LIPA: variants seen among roughly 807,000 people sequenced by gnomAD.
LIPA encodes the protein lipase A, lysosomal acid type.
LIPA carries 26 observed loss-of-function variants against 40.6 expected under a neutral mutation model. The observed-to-expected ratio is 0.64, with a 90% confidence interval of 0.47 to 0.89. The LOEUF (loss-of-function observed/expected upper bound fraction) is 0.89, where lower values mean the gene tolerates loss of function less well. Among genes scored for constraint, LIPA ranks in the 40% least tolerant of loss-of-function variants. The pLI, the probability that LIPA is intolerant of heterozygous loss-of-function variation, is 0.00. For missense variants in LIPA, 455 were observed against 479.6 expected (o/e 0.95, Z 0.48); for synonymous variants, 188 against 168.4 (o/e 1.12, Z -0.90).
intron 3 of LIPA, among the ~76,000 whole-genome samples, chr10:89,234,959 G>T (rs1350713574): frequency 6.6e-6 from 1 of 152,246 alleles, no homozygotes; most frequent in Non-Finnish European, 1.5e-5. Context: ...GCTAGGAAGC[G>T]TGAGGGTTGG....
intron 2 of LIPA, among the ~76,000 whole-genome samples, chr10:89,396,650 T>C (rs955660659): frequency 2.6e-5 from 4 of 152,200 alleles, no homozygotes; most frequent in African/African-American, 9.6e-5. Flanking sequence ...ACCTCCAAAA[T>C]TGTGACACTA....
At chr10:89,322,429 G>A (rs139346975) in intron 1 of LIPA, among the ~76,000 whole-genome samples, 42 of 151,592 alleles carry the variant, frequency 2.8e-4, no homozygotes, top group Non-Finnish European at 4.6e-4. Context: ...CAGCCTGTCC[G>A]GGCTCAGCGT....
chr10:89,286,448 G>A (rs1191880854), intron 1 of LIPA, among the ~76,000 whole-genome samples: 7 of 151,908 alleles, frequency 4.6e-5, no homozygotes, highest in South Asian at 2.1e-4. Flanking sequence ...TTCCAGTTTC[G>A]TTCTGCGACT....
chr10:89,356,418 G>A (rs1460677043), intron 2 of LIPA, among the ~76,000 whole-genome samples: 2 of 152,182 alleles, frequency 1.3e-5, no homozygotes, highest in African/African-American at 4.8e-5. Flanking sequence ...TGAGCAGCAG[G>A]CGAGCAATCA....
In LIPA at chr10:89,379,185, T is replaced by A. The variant is rs528152009; in HGVS notation, c.61+33606A>T. 2.0e-5 allele frequency among the ~76,000 whole-genome samples: 3 copies of A among 152,342 alleles called. No individual in the cohort carries two copies. In the South Asian group the frequency reaches 6.2e-4, roughly 32 times the overall value. ...TGTGATTACTGTGAAACTATGAAAT[T>A]GTGATTACTATGAAATTTGCTTTTC... is the stretch of plus-strand genomic sequence containing the variant. On this transcript the variant is annotated intron_variant, in intron 2 of 8. Coordinates refer to the LIPA transcript ENST00000371837.
At chr10:89,402,505 A>G (rs1434383366) in intron 2 of LIPA, 3 of 1,614,082 alleles carry the variant, frequency 1.9e-6, no homozygotes, top group Non-Finnish European at 2.5e-6. Flanking sequence ...AGCTTAAAAG[A>G]AGCTGAAAAC....
At chr10:89,399,046 T>TG (rs984007255) in intron 2 of LIPA, among the ~76,000 whole-genome samples, 7 of 152,214 alleles carry the variant, frequency 4.6e-5, no homozygotes, top group African/African-American at 1.7e-4. Flanking sequence ...TCCTGCTTTT[T>TG]TTTTAAAATA....
At chr10:89,255,273 C>T (rs1843175076), upstream of LIPA, among the ~76,000 whole-genome samples, 1 of 152,160 alleles carries the variant, frequency 6.6e-6, no homozygotes, top group South Asian at 2.1e-4. Flanking sequence ...ACAATCATGG[C>T]AGAAGGCAAA....
chr10:89,337,996 G>A (rs542751178), intron 1 of LIPA, among the ~76,000 whole-genome samples: 1 of 152,252 alleles, frequency 6.6e-6, no homozygotes, highest in South Asian at 2.1e-4. Flanking sequence ...TTTGTGTTAG[G>A]TGACTTTGCC....
At chr10:89,239,705 A>G (rs1410261321) in intron 3 of LIPA, among the ~76,000 whole-genome samples, 1 of 152,340 alleles carries the variant, frequency 6.6e-6, no homozygotes, top group Middle Eastern at 3.4e-3. Flanking sequence ...TGTCTTGTTC[A>G]CTGCAGAACG....
At chr10:89,295,845 A>T (rs973728782) in intron 1 of LIPA, among the ~76,000 whole-genome samples, 2 of 152,202 alleles carry the variant, frequency 1.3e-5, no homozygotes, top group Admixed American at 1.3e-4. Flanking sequence ...TTTCCTTTTC[A>T]GTTGCTATTT....
At chr10:89,256,995 T>C (rs369901329) in intron 1 of LIPA, among the ~76,000 whole-genome samples, 1 of 152,348 alleles carries the variant, frequency 6.6e-6, no homozygotes, top group East Asian at 1.9e-4. Context: ...GTGTGCCATA[T>C]TATACTATGT....
chr10:89,263,014 C>A (rs1249189608), intron 1 of LIPA, among the ~76,000 whole-genome samples: 1 of 152,198 alleles, frequency 6.6e-6, no homozygotes, highest in East Asian at 1.9e-4. Flanking sequence ...AAGGGAGAGG[C>A]AACTAGAGAT....
At chr10:89,354,077 T>A (rs1323008924) in intron 2 of LIPA, among the ~76,000 whole-genome samples, 2 of 152,230 alleles carry the variant, frequency 1.3e-5, no homozygotes, top group Non-Finnish European at 2.9e-5. Flanking sequence ...CTCAGTCGAT[T>A]TCTTTCTTCT....
At chr10:89,303,531 G>A (rs1843459169) in intron 1 of LIPA, among the ~76,000 whole-genome samples, 1 of 152,228 alleles carries the variant, frequency 6.6e-6, no homozygotes, top group African/African-American at 2.4e-5. Context: ...CAGGAAGCAA[G>A]TGTCTGGCAT....
intron 2 of LIPA, among the ~76,000 whole-genome samples, chr10:89,376,688 C>A (rs1241338611): frequency 1.3e-5 from 2 of 152,144 alleles, no homozygotes; most frequent in African/African-American, 4.8e-5. Context: ...TCAAGCAGCC[C>A]CTTAAACTGG....
chr10:89,277,625 T>TA (rs1473455091), intron 1 of LIPA, among the ~76,000 whole-genome samples: 7 of 152,188 alleles, frequency 4.6e-5, no homozygotes, highest in African/African-American at 1.4e-4. Context: ...TCAGCTTCCC[T>TA]AAAAAATACA....
chr10:89,261,636 T>C (rs1222503815), intron 1 of LIPA, among the ~76,000 whole-genome samples: 1 of 152,212 alleles, frequency 6.6e-6, no homozygotes, highest in African/African-American at 2.4e-5. Flanking sequence ...AATAAATGTC[T>C]TAGAAATGTG....
At chr10:89,232,637 G>A (rs1021272318) in intron 3 of LIPA, among the ~76,000 whole-genome samples, 26 of 152,340 alleles carry the variant, frequency 1.7e-4, no homozygotes, top group Non-Finnish European at 3.2e-4. Flanking sequence ...AGGAGAAGGA[G>A]GGTGATATGT....
Sources: allele counts gnomAD v4.1 joint callset (sites outside exome capture counted in the v4.1 genomes callset), GRCh38; gene constraint gnomAD v4.1.1; transcripts MANE v1.5; gene names NCBI Gene and HGNC (gene_info 2026-07-23, HGNC 2026-07-21).